RFC3: variants seen among roughly 807,000 people sequenced by gnomAD.
RFC3 encodes A1 38 kDa subunit.
RFC3 carries 41 observed loss-of-function variants against 45.1 expected under a neutral mutation model. The ratio of observed to expected loss-of-function variants is 0.91; its 90% CI spans 0.71 to 1.18. RFC3 has a LOEUF of 1.18. Among genes scored for constraint, RFC3 ranks in the 50% most tolerant of loss-of-function variants. RFC3 has a pLI of 0.00. For synonymous variants in RFC3, 149 were observed against 144.0 expected, an observed-to-expected ratio of 1.03 and a Z score of -0.25; for missense variants, 423 against 428.1, an observed-to-expected ratio of 0.99 and a Z score of 0.10.
intron 8 of RFC3, among the ~76,000 whole-genome samples, chr13:33,928,568 G>T (rs7319628): frequency 6.6e-6 from 1 of 152,060 alleles, no homozygotes; most frequent in Non-Finnish European, 1.5e-5. Context: ...GGTGTTCACC[G>T]TGCCTTATTA....
chr13:33,821,799 T>A (rs773997278), intron 2 of RFC3, among the ~76,000 whole-genome samples: 3 of 152,228 alleles, frequency 2.0e-5, no homozygotes, highest in Non-Finnish European at 4.4e-5. Context: ...TTATGGATGA[T>A]GTTTAAGATC....
intron 8 of RFC3, among the ~76,000 whole-genome samples, chr13:33,934,300 T>A (rs1377257272): frequency 6.6e-6 from 1 of 151,988 alleles, no homozygotes; most frequent in Non-Finnish European, 1.5e-5. Flanking sequence ...GCCACTGCAC[T>A]CCAGCCTGGG....
chr13:33,917,736 T>A (rs2082742156), intron 8 of RFC3, among the ~76,000 whole-genome samples: 1 of 152,110 alleles, frequency 6.6e-6, no homozygotes, highest in Admixed American at 6.6e-5. Flanking sequence ...CCTTTCCTGA[T>A]AACACTCTGT....
chr13:33,848,315 C>T (rs1253104095), intron 8 of RFC3: 2 of 152,118 alleles, frequency 1.3e-5, no homozygotes, highest in Non-Finnish European at 2.9e-5. Context: ...ATTCAATGAT[C>T]AGCTTAATAT....
intron 8 of RFC3, among the ~76,000 whole-genome samples, chr13:33,961,957 T>G (rs1231063200): frequency 6.6e-6 from 1 of 152,180 alleles, no homozygotes; most frequent in African/African-American, 2.4e-5. Context: ...AGAGAAGGAA[T>G]GGGACCATCT....
At chr13:33,894,862 A>G (rs2082587277) in intron 8 of RFC3, among the ~76,000 whole-genome samples, 2 of 152,182 alleles carry the variant, frequency 1.3e-5, no homozygotes, top group South Asian at 2.1e-4. Context: ...AATACTTACA[A>G]CCAACTGATC....
At chr13:33,946,717 T>C (rs936261402) in intron 8 of RFC3, among the ~76,000 whole-genome samples, 4 of 152,230 alleles carry the variant, frequency 2.6e-5, no homozygotes, top group Non-Finnish European at 5.9e-5. Context: ...GAAGAAAATC[T>C]GGCCTCACAG....
intron 8 of RFC3, among the ~76,000 whole-genome samples, chr13:33,882,900 C>T (rs2082494791): frequency 6.6e-6 from 1 of 152,192 alleles, no homozygotes; most frequent in Non-Finnish European, 1.5e-5. Flanking sequence ...TCACTTACCA[C>T]CTTGCCTTTG....
intron 8 of RFC3, among the ~76,000 whole-genome samples, chr13:33,939,187 A>G (rs1479792986): frequency 6.6e-6 from 1 of 152,150 alleles, no homozygotes; most frequent in Non-Finnish European, 1.5e-5. Context: ...CACTTGGTTA[A>G]TCACATATTT....
At chr13:33,844,167 CT>C (rs2082220635) in intron 8 of RFC3, among the ~76,000 whole-genome samples, 1 of 152,176 alleles carries the variant, frequency 6.6e-6, no homozygotes, top group African/African-American at 2.4e-5. Flanking sequence ...TTCAAGCTCT[CT>C]TGTTCTCTCT....
rs114129011 is a variant in RFC3, at chr13:33,854,085, G to C, written c.879+18868G>C. On this transcript the variant is annotated intron_variant, in intron 8 of 8. Transcript: ENST00000434425. Reference sequence around the variant, plus strand: ...TAGTAGAAAGATACGAAGAAATGTAGATGTGACAATCAGAGACCAAGTTCA... The same window carrying C: ...TAGTAGAAAGATACGAAGAAATGTACATGTGACAATCAGAGACCAAGTTCA... Among the ~76,000 whole-genome samples, 745 of 152,330 alleles carry C rather than the reference G, an allele frequency of 4.9e-3. 5 individuals carry two copies. The highest frequency in any genetic ancestry group is 0.017 in the African/African-American group (705 of 41,586).
At chr13:33,966,124 G>C in exon 9 of RFC3, 1 of 1,609,522 alleles carries the variant, frequency 6.2e-7, no homozygotes, top group Non-Finnish European at 8.5e-7. Flanking sequence ...GACATATTCT[G>C]AGGACCTCCA....
chr13:33,893,977 CA>C (rs1345976721), intron 8 of RFC3, among the ~76,000 whole-genome samples: 1 of 152,010 alleles, frequency 6.6e-6, no homozygotes, highest in Non-Finnish European at 1.5e-5. Context: ...AACAAACAAA[CA>C]AACAAAAAAC....
intron 8 of RFC3, among the ~76,000 whole-genome samples, chr13:33,919,388 G>A (rs1210941898): frequency 6.6e-6 from 1 of 151,912 alleles, no homozygotes; most frequent in Non-Finnish European, 1.5e-5. Context: ...TTCTCTGTAA[G>A]TGATTATTTC....
chr13:33,920,874 C>G (rs570747238), intron 8 of RFC3, among the ~76,000 whole-genome samples: 49 of 151,976 alleles, frequency 3.2e-4, no homozygotes, highest in Non-Finnish European at 5.0e-4. Context: ...CTAAATCTTC[C>G]CTACTACATA....
At chr13:33,835,622 G>A (rs1472256973) in intron 8 of RFC3, among the ~76,000 whole-genome samples, 1 of 152,112 alleles carries the variant, frequency 6.6e-6, no homozygotes, top group East Asian at 1.9e-4. Flanking sequence ...AAACAAGTAC[G>A]TGTATATATG....
chr13:33,905,209 T>C (rs1593681584), intron 8 of RFC3, among the ~76,000 whole-genome samples: 1 of 148,626 alleles, frequency 6.7e-6, no homozygotes, highest in South Asian at 2.1e-4. Context: ...TAGTTGTCTT[T>C]ACAACTACAG....
chr13:33,967,486 C>CT (rs11393413), downstream of RFC3, among the ~76,000 whole-genome samples: 106,610 of 119,456 alleles, frequency 0.89, 48,019 homozygotes, highest in East Asian at 0.96. Flanking sequence ...ACCAGCAATT[C>CT]TTTTTTTTTT....
intron 8 of RFC3, among the ~76,000 whole-genome samples, chr13:33,932,997 G>A (rs547429216): frequency 6.6e-6 from 1 of 152,250 alleles, no homozygotes; most frequent in South Asian, 2.1e-4. Flanking sequence ...TCTTGTCAAA[G>A]CTTTTGAACA....
Sources: allele counts gnomAD v4.1 joint callset (sites outside exome capture counted in the v4.1 genomes callset), GRCh38; gene constraint gnomAD v4.1.1; transcripts MANE v1.5; gene names NCBI Gene and HGNC (gene_info 2026-07-23, HGNC 2026-07-21).